The following PLEKHG4B variants were observed in gnomAD, a reference collection of about 807,000 sequenced individuals.
PLEKHG4B encodes the protein pleckstrin homology domain-containing family G member 4B.
Under a neutral mutation model 121.3 loss-of-function variants are expected in PLEKHG4B, and 111 were observed. The ratio of observed to expected loss-of-function variants is 0.92; its 90% CI spans 0.78 to 1.07. PLEKHG4B has a LOEUF of 1.07. Among genes scored for constraint, PLEKHG4B ranks in the 50% least tolerant of loss-of-function variants. The pLI is 0.00. For missense variants in PLEKHG4B, 1,831 were observed against 1,757.8 expected, an observed-to-expected ratio of 1.04 and a Z score of -0.74; for synonymous variants, 738 against 725.0, an observed-to-expected ratio of 1.02 and a Z score of -0.29.
chr5:122,443 G>GGA (rs1398142431), intron 2 of PLEKHG4B, among the ~76,000 whole-genome samples: 1 of 151,142 alleles, frequency 6.6e-6, no homozygotes, highest in Non-Finnish European at 1.5e-5. Flanking sequence ...ATTTTTAGAT[G>GGA]GAGTCTTGCA....
At chr5:146,486 C>T (rs1735419866) in intron 6 of PLEKHG4B, among the ~76,000 whole-genome samples, 1 of 147,964 alleles carries the variant, frequency 6.8e-6, no homozygotes, top group Non-Finnish European at 1.5e-5. Context: ...CTCTCTCCTC[C>T]CCTCCACACA....
At chr5:140,740 C>T in intron 3 of PLEKHG4B, 24 bp downstream of exon 3, 1 of 1,521,838 alleles carries the variant, frequency 6.6e-7, no homozygotes, top group Middle Eastern at 2.1e-4. Flanking sequence ...ACGCCCTCCC[C>T]TGCGCACCCC....
chr5:179,735 C>T (rs929096245), intron 18 of PLEKHG4B: 1 of 152,594 alleles, frequency 6.6e-6, no homozygotes, highest in Non-Finnish European at 1.5e-5. Context: ...CTGCACTCCA[C>T]CTGGAACTCC....
intron 8 of PLEKHG4B, 87 bp downstream of exon 8, chr5:155,078 C>A: frequency 2.6e-6 from 3 of 1,150,130 alleles, no homozygotes; most frequent in Non-Finnish European, 1.3e-6. Flanking sequence ...TTGAAAAGGG[C>A]ATCACCGTCC....
rs143686104 is a variant in PLEKHG4B, at chr5:140,666, G to A, written c.1427G>A (p.Gly476Glu). The part of the protein sequence containing the change: ...PGGHLGGQAV[G>E]TPNCVPVEGP... ...GGCCACCTAGGAGGACAAGCTGTGG[G>A]GACCCCAAACTGTGTCCCAGTAGAG... Residue 476 changes from glycine (G) to glutamate (E), a missense_variant, in exon 3 of 20, where the codon GGG becomes GAG. Gly to Glu is a moderately conservative substitution (Grantham distance 98). Coordinates refer to ENST00000637938, the MANE Select transcript of PLEKHG4B (RefSeq NM_052909.5). 3,687 of 1,605,490 alleles carry A rather than the reference G, an allele frequency of 2.3e-3. 12 individuals carry two copies. The highest frequency in any genetic ancestry group is 2.7e-3 in the Non-Finnish European group (3,167 of 1,176,086).
chr5:109,490 C>A (rs1368667629), intron 1 of PLEKHG4B, among the ~76,000 whole-genome samples: 3 of 151,996 alleles, frequency 2.0e-5, no homozygotes, highest in African/African-American at 7.3e-5. Flanking sequence ...AGGTGCCACA[C>A]CCTGGGCTAC....
chr5:125,510 T>C (rs1049423726), intron 2 of PLEKHG4B, among the ~76,000 whole-genome samples: 4 of 152,144 alleles, frequency 2.6e-5, no homozygotes, highest in African/African-American at 9.7e-5. Flanking sequence ...TGTCAGAAAA[T>C]TACATCTTTA....
rs752219439 is a variant in PLEKHG4B at position 188,983 on chromosome 5, T to G, written c.*6660T>G. ...GCAGTTTTTCTTCTGACAGCTGGGA[T>G]GGAGGTGGGTCCTCCAGGGAGTGCC... On this transcript the variant is annotated 3_prime_UTR_variant, in exon 20 of 20. Coordinates refer to ENST00000637938, the MANE Select transcript of PLEKHG4B (RefSeq NM_052909.5). The G allele has an allele frequency of 6.6e-6, 1 of 152,260 alleles. No individual in the cohort carries two copies. Among genetic ancestry groups the G allele is most frequent in the Non-Finnish European group, 1.5e-5 (1 of 68,042 alleles). The allele number at this position is 152,260 out of a possible 1,614,324, so 9.4% of individuals were successfully genotyped here. A position where few individuals can be genotyped will look rare whatever the true frequency, so the allele number is the denominator to read the frequency against.
At chr5:134,755 G>A (rs1188056526) in intron 2 of PLEKHG4B, among the ~76,000 whole-genome samples, 3 of 140,814 alleles carry the variant, frequency 2.1e-5, no homozygotes, top group African/African-American at 8.2e-5. Flanking sequence ...AACAGAGTGA[G>A]ACTCTGTCTC....
intron 3 of PLEKHG4B, 49 bp downstream of exon 3, chr5:140,765 C>T (rs1735149227): frequency 6.9e-7 from 1 of 1,439,554 alleles, no homozygotes; most frequent in Non-Finnish European, 9.1e-7. Context: ...ACCTCCCCTA[C>T]ACATCCCACA....
chr5:110,774 A>G (rs1470534062), intron 1 of PLEKHG4B, among the ~76,000 whole-genome samples: 1 of 151,886 alleles, frequency 6.6e-6, no homozygotes, highest in Non-Finnish European at 1.5e-5. Context: ...ACAATCTGCA[A>G]CACGTGCACA....
chr5:120,338 A>G (rs1357258471), intron 2 of PLEKHG4B, among the ~76,000 whole-genome samples: 1 of 152,202 alleles, frequency 6.6e-6, no homozygotes, highest in Non-Finnish European at 1.5e-5. Context: ...ATCGTCTAAC[A>G]GTCTTAAAAT....
intron 1 of PLEKHG4B, among the ~76,000 whole-genome samples, chr5:104,948 G>A (rs1733930369): frequency 6.6e-6 from 1 of 152,242 alleles, no homozygotes; most frequent in African/African-American, 2.4e-5. Flanking sequence ...GGTGAGGGCT[G>A]TTCCAGTTCT....
At chr5:100,346 C>T (rs1208235034) in intron 1 of PLEKHG4B, among the ~76,000 whole-genome samples, 1 of 151,970 alleles carries the variant, frequency 6.6e-6, no homozygotes, top group Non-Finnish European at 1.5e-5. Flanking sequence ...GGAAAAAGGT[C>T]TGTAGGGGAA....
chr5:146,372 G>A lies in PLEKHG4B; in HGVS notation c.1905+1452G>A, dbSNP rs189051164. On this transcript the variant is annotated intron_variant, in intron 6 of 19. Coordinates refer to ENST00000637938, the MANE Select transcript of PLEKHG4B (RefSeq NM_052909.5). ...CTCCCTCCTCTCCACCCCCACAGTG[G>A]TTCCTCCTCTCTCACAAGCTGTAGC... Among the ~76,000 whole-genome samples the A allele has an allele frequency of 7.6e-3, 941 of 124,476 alleles. 19 individuals are homozygous for A. The highest frequency in any genetic ancestry group is 0.028 in the African/African-American group (891 of 31,756). 81.7% of individuals were successfully genotyped at this position (124,476 alleles called of 152,430 possible).
At chr5:146,702 C>T (rs1318017070) in intron 6 of PLEKHG4B, among the ~76,000 whole-genome samples, 2 of 132,616 alleles carry the variant, frequency 1.5e-5, no homozygotes, top group African/African-American at 5.7e-5. Flanking sequence ...CCTCCCTTCT[C>T]TCCCCTGACC....
chr5:150,299 G>A (rs1735564958), intron 6 of PLEKHG4B, among the ~76,000 whole-genome samples: 1 of 152,190 alleles, frequency 6.6e-6, no homozygotes. Flanking sequence ...ACTCAGAGTA[G>A]CCCAGATCCC....
intron 2 of PLEKHG4B, among the ~76,000 whole-genome samples, chr5:114,264 C>T (rs1560903615): frequency 6.6e-6 from 1 of 152,136 alleles, no homozygotes; most frequent in South Asian, 2.1e-4. Flanking sequence ...TTGACTCTTC[C>T]TTTTATGAAC....
chr5:169,238 C>T, intron 13 of PLEKHG4B, 102 bp from the exon 14 acceptor site: 1 of 1,496,598 alleles, frequency 6.7e-7, no homozygotes, highest in Non-Finnish European at 9.1e-7. Context: ...TGACCCTGCT[C>T]ATCCCTCCGG....
Sources: gnomAD v4.1 joint callset for allele counts (sites outside exome capture counted in the v4.1 genomes callset) on GRCh38, gnomAD v4.1.1 for gene constraint, MANE v1.5 for transcripts, NCBI Gene and HGNC (gene_info 2026-07-23, HGNC 2026-07-21) for gene names.